Variants in GNAQ observed in about 807,000 individuals in gnomAD.
GNAQ encodes the protein guanine nucleotide-binding protein G(q) subunit alpha.
In GNAQ, 8 loss-of-function variants were observed where a neutral mutation model predicts 43.9. The ratio of observed to expected loss-of-function variants is 0.18; its 90% CI spans 0.11 to 0.33. The LOEUF is 0.33. GNAQ is among the 10% of genes least tolerant of loss of function. GNAQ has a pLI of 1.00. For synonymous variants in GNAQ, 155 were observed against 170.7 expected (o/e 0.91, Z 0.71); for missense variants, 158 against 450.8 (o/e 0.35, Z 5.88).
In GNAQ at chr9:77,720,693, T is replaced by A. The variant is rs1358446873; in HGVS notation, c.*630A>T. The A allele has an allele frequency of 4.3e-6, 1 of 233,202 alleles. No homozygotes were observed. The highest frequency in any genetic ancestry group is 8.5e-6 in the Non-Finnish European group (1 of 117,968). The allele number at this position is 233,202 out of a possible 1,614,324, so 14.4% of individuals were successfully genotyped here. Reference sequence around the variant, plus strand: ...TTTAGATGGGCATCCACTGTCCCAGTCCAAAGTGAGACAAGACAGTATATT... The same window carrying A: ...TTTAGATGGGCATCCACTGTCCCAGACCAAAGTGAGACAAGACAGTATATT... On this transcript the variant is annotated 3_prime_UTR_variant, in exon 7 of 7. Transcript: ENST00000286548.
intron 2 of GNAQ, among the ~76,000 whole-genome samples, chr9:77,902,342 C>G (rs537957606): frequency 1.0e-3 from 158 of 152,248 alleles, no homozygotes; most frequent in Middle Eastern, 0.01. Context: ...TGGTATATGT[C>G]TGAGTTTCAA....
intron 1 of GNAQ, among the ~76,000 whole-genome samples, chr9:78,003,934 A>G (rs1409325285): frequency 6.6e-6 from 1 of 152,230 alleles, no homozygotes; most frequent in Non-Finnish European, 1.5e-5. Flanking sequence ...ACAAAAAAGC[A>G]TAATATGCAC....
intron 1 of GNAQ, among the ~76,000 whole-genome samples, chr9:78,003,208 G>T (rs1362396869): frequency 2.0e-5 from 3 of 152,096 alleles, no homozygotes; most frequent in Admixed American, 1.3e-4. Flanking sequence ...AAAGAAAAAA[G>T]AAAGAACAGA....
chr9:77,999,092 C>CA (rs56358201), intron 1 of GNAQ, among the ~76,000 whole-genome samples: 14,510 of 52,594 alleles, frequency 0.28, 3,319 homozygotes, highest in East Asian at 0.4. Flanking sequence ...AACTCTGTCT[C>CA]AAAAAAAAAA....
Position 77,771,237 on chromosome 9 carries a change from G to C in GNAQ, c.735+23226C>G, listed in dbSNP as rs1205435034. 2.0e-5 allele frequency among the ~76,000 whole-genome samples: 3 copies of C among 152,152 alleles called. No homozygotes were observed. In the East Asian group the frequency reaches 5.8e-4, roughly 29 times the overall value. On this transcript the variant is annotated intron_variant, in intron 5 of 6. Transcript: ENST00000286548. ...ATTTAAGGGATGTGGGGGCCATAAG[G>C]GGATGGGAGAAGTGGGGCATATATT... is the stretch of plus-strand genomic sequence containing the variant.
At chr9:77,723,729 A>G (rs1031153568) in intron 6 of GNAQ, among the ~76,000 whole-genome samples, 1 of 152,222 alleles carries the variant, frequency 6.6e-6, no homozygotes, top group Non-Finnish European at 1.5e-5. Flanking sequence ...CGTACTTAGA[A>G]TTGGTAAACT....
chr9:77,922,191 G>A lies in GNAQ; in HGVS notation c.291C>T (p.Leu97=), dbSNP rs370651410. 4.3e-6 allele frequency: 7 copies of A among 1,613,502 alleles called. No individual in the cohort carries two copies. The African/African-American group carries it at 8.0e-5, about 18-fold the overall frequency. ...TGTGCTCATACTTGTATGGGATCTTGAGTGTGTCCATGGCTCTGATCATGG... is the reference window on the plus strand; with the variant it reads ...TGTGCTCATACTTGTATGGGATCTTAAGTGTGTCCATGGCTCTGATCATGG... The part of the protein sequence containing the change: ...MQAMIRAMDT[L]KIPYKYEHNK... Residue 97 remains leucine, a synonymous_variant, in exon 2 of 7, where the codon CTC becomes CTT. Transcript: ENST00000286548.
At chr9:77,743,183 G>A (rs568145460) in intron 5 of GNAQ, among the ~76,000 whole-genome samples, 3 of 152,210 alleles carry the variant, frequency 2.0e-5, no homozygotes, top group Non-Finnish European at 4.4e-5. Context: ...GCTTGAACCC[G>A]GGAGGCGGAG....
At chr9:77,966,786 C>T (rs1488809536) in intron 1 of GNAQ, among the ~76,000 whole-genome samples, 1 of 152,154 alleles carries the variant, frequency 6.6e-6, no homozygotes, top group Non-Finnish European at 1.5e-5. Context: ...TAATCCTTGG[C>T]ACAGGAGATG....
intron 5 of GNAQ, among the ~76,000 whole-genome samples, chr9:77,751,067 C>T (rs1825803681): frequency 6.6e-6 from 1 of 152,152 alleles, no homozygotes; most frequent in African/African-American, 2.4e-5. Flanking sequence ...TCTTTCCCCG[C>T]TTTATAGACT....
chr9:77,951,746 T>G (rs1485076364), intron 1 of GNAQ, among the ~76,000 whole-genome samples: 2 of 152,202 alleles, frequency 1.3e-5, no homozygotes, highest in African/African-American at 4.8e-5. Context: ...CGATTCTCTC[T>G]GTTCCATTTG....
In GNAQ at chr9:77,781,509, C is replaced by A. The variant is rs377219018; in HGVS notation, c.735+12954G>T. 2.6e-5 allele frequency among the ~76,000 whole-genome samples: 4 copies of A among 152,202 alleles called. No homozygotes were observed. The East Asian group carries it at 7.7e-4, about 29-fold the overall frequency. On this transcript the variant is annotated intron_variant, in intron 5 of 6. Transcript: ENST00000286548. Reference sequence around the variant, plus strand: ...AGCAGAAGGAGGGAATACCTCCTAACTCATTATGAGGCCAGCATTAACTTA... The same window carrying A: ...AGCAGAAGGAGGGAATACCTCCTAAATCATTATGAGGCCAGCATTAACTTA...
At chr9:77,829,507 GA>G (rs1827262279) in intron 2 of GNAQ, among the ~76,000 whole-genome samples, 2 of 152,208 alleles carry the variant, frequency 1.3e-5, no homozygotes, top group South Asian at 4.1e-4. Flanking sequence ...TTACAGATGA[GA>G]AAAGTGTTAT....
At chr9:77,933,115 C>T (rs1257253903) in intron 1 of GNAQ, among the ~76,000 whole-genome samples, 1 of 152,168 alleles carries the variant, frequency 6.6e-6, no homozygotes, top group Non-Finnish European at 1.5e-5. Context: ...AAGTTCACTG[C>T]ATCGACATGG....
chr9:77,731,859 C>A (rs1366163302), intron 5 of GNAQ, among the ~76,000 whole-genome samples: 1 of 152,164 alleles, frequency 6.6e-6, no homozygotes, highest in African/African-American at 2.4e-5. Context: ...AACATACAGC[C>A]GAGAGTTTGA....
intron 2 of GNAQ, among the ~76,000 whole-genome samples, chr9:77,873,827 C>T (rs1024236594): frequency 2.0e-5 from 3 of 152,236 alleles, no homozygotes; most frequent in East Asian, 1.9e-4. Context: ...AAGCCTTTGC[C>T]GGGCGCGGTG....
intron 5 of GNAQ, among the ~76,000 whole-genome samples, chr9:77,741,034 T>G (rs1825646019): frequency 6.6e-6 from 1 of 152,254 alleles, no homozygotes; most frequent in African/African-American, 2.4e-5. Context: ...AAATTTCAAG[T>G]AATTTTCATG....
intron 5 of GNAQ, among the ~76,000 whole-genome samples, chr9:77,750,426 A>G (rs1287275474): frequency 6.6e-6 from 1 of 152,200 alleles, no homozygotes; most frequent in Admixed American, 6.5e-5. Flanking sequence ...TTTTAAATGT[A>G]AGAGGTTTTT....
At chr9:77,990,119 T>C (rs1018823944) in intron 1 of GNAQ, among the ~76,000 whole-genome samples, 2 of 152,194 alleles carry the variant, frequency 1.3e-5, no homozygotes, top group African/African-American at 4.8e-5. Flanking sequence ...AAGAAGAAGG[T>C]TGGAAAGATT....
Sources: allele counts gnomAD v4.1 joint callset (sites outside exome capture counted in the v4.1 genomes callset), GRCh38; gene constraint gnomAD v4.1.1; transcripts MANE v1.5; gene names NCBI Gene and HGNC (gene_info 2026-07-23, HGNC 2026-07-21).